The following ATM variants were observed in gnomAD, a reference collection of about 807,000 sequenced individuals.
ATM encodes ATM serine/threonine kinase.
A neutral mutation model predicts 387.0 loss-of-function variants in ATM; 308 were observed. The ratio of observed to expected loss-of-function variants is 0.80; its 90% CI spans 0.73 to 0.87. The LOEUF is 0.87. Among genes scored for constraint, ATM ranks in the 40% least tolerant of loss-of-function variants. The pLI is 0.00. For synonymous variants in ATM, 1,156 were observed against 1,187.3 expected (o/e 0.97, Z 0.54); for missense variants, 3,312 against 3,560.9 (o/e 0.93, Z 1.78).
chr11:108,332,432 CAAATT>C (rs920222693), intron 52 of ATM, among the ~76,000 whole-genome samples: 1 of 151,138 alleles, frequency 6.6e-6, no homozygotes, highest in South Asian at 2.2e-4. Context: ...AACTCTGTCT[CAAATT>C]AATTAATTAA....
rs1064796589 is a variant in ATM, at chr11:108,330,282, G to A, written c.7376G>A (p.Arg2459His). The A allele has an allele frequency of 1.9e-6, 3 of 1,614,188 alleles. No homozygotes were observed. Among genetic ancestry groups the A allele is most frequent in the East Asian group, 2.2e-5 (1 of 44,876 alleles). ...GCCCTGCGTGCACTGAAAGAGGATC[G>A]TAAACGCTTCTTATGTAAAGCAGTT... ...ELALRALKED[R>H]KRFLCKAVEN... The change falls in exon 50 of 63, where the codon CGT (arginine) becomes CAT (histidine). Residue 2459 changes from arginine (R) to histidine (H), a missense_variant. By Grantham distance (29) the Arg-to-His change is conservative (BLOSUM62 0). Around this residue, in one of 4 missense-constraint regions of ATM, gnomAD observed 1,405 missense variants for 1,604.4 expected, o/e 0.88. Transcript: ENST00000675843.
intron 16 of ATM, among the ~76,000 whole-genome samples, chr11:108,262,958 C>G (rs892577286): frequency 1.5e-4 from 22 of 151,578 alleles, no homozygotes; most frequent in African/African-American, 5.1e-4. Context: ...TATGCACCCA[C>G]TACAGGAGCA....
chr11:108,316,753 CA>C (rs58165074), intron 42 of ATM, among the ~76,000 whole-genome samples: 1,771 of 72,432 alleles, frequency 0.024, 36 homozygotes, highest in African/African-American at 0.083. Context: ...ACTAAAAATA[CA>C]AAAAAAAAAA....
chr11:108,303,392 C>A (rs1052151038), intron 36 of ATM, among the ~76,000 whole-genome samples: 1 of 152,088 alleles, frequency 6.6e-6, no homozygotes, highest in African/African-American at 2.4e-5. Context: ...AGGAGTGGGG[C>A]AGCAATCAGC....
At chr11:108,263,853 C>A (rs1259202380) in intron 16 of ATM, among the ~76,000 whole-genome samples, 1 of 149,418 alleles carries the variant, frequency 6.7e-6, no homozygotes, top group Non-Finnish European at 1.5e-5. Context: ...CTACAAACAC[C>A]TCTACGCAAA....
At chr11:108,250,102 C>T (rs1379478035) in intron 9 of ATM, among the ~76,000 whole-genome samples, 1 of 149,940 alleles carries the variant, frequency 6.7e-6, no homozygotes, top group Non-Finnish European at 1.5e-5. Flanking sequence ...GACTAAAGAG[C>T]AAGGATGTAC....
At chr11:108,252,169 A>G in intron 11 of ATM, 138 bp downstream of exon 11, 1 of 789,744 alleles carries the variant, frequency 1.3e-6, no homozygotes, top group Non-Finnish European at 2.0e-6. Context: ...ATTAAATATT[A>G]TGTTTGTTTT....
chr11:108,347,378 A>G lies in ATM; in HGVS notation c.8671+13A>G, dbSNP rs761992165. 1 of 1,537,932 alleles carries G rather than the reference A, an allele frequency of 6.5e-7. No homozygotes were observed. Among genetic ancestry groups the G allele is most frequent in the Non-Finnish European group, 9.0e-7 (1 of 1,111,600 alleles). On this transcript the variant is annotated intron_variant, in intron 59 of 62. Coordinates refer to ENST00000675843, the MANE Select transcript of ATM (RefSeq NM_000051.4). ...CATATAGATCTAGGTAAGTAATAAA[A>G]TCTATGTATCTATTCTTTTTAGTAA...
At chr11:108,296,503 C>T (rs1565468551) in intron 32 of ATM, among the ~76,000 whole-genome samples, 1 of 152,138 alleles carries the variant, frequency 6.6e-6, no homozygotes, top group Non-Finnish European at 1.5e-5. Flanking sequence ...CCATCTGCCT[C>T]GGCCTCCCAA....
intron 43 of ATM, among the ~76,000 whole-genome samples, chr11:108,319,022 C>A (rs1449693136): frequency 1.3e-5 from 2 of 151,726 alleles, no homozygotes; most frequent in Admixed American, 6.6e-5. Flanking sequence ...CAAAAAAATA[C>A]AAAAGTTAGC....
chr11:108,238,646 C>CT (rs576314536), intron 5 of ATM, among the ~76,000 whole-genome samples: 122 of 152,180 alleles, frequency 8.0e-4, no homozygotes, highest in Non-Finnish European at 1.7e-3. Flanking sequence ...GCTAAAATCA[C>CT]TTACTAAATC....
At chr11:108,327,513 G>A (rs1229282893) in intron 47 of ATM, 132 bp from the exon 48 acceptor site, 2 of 683,588 alleles carry the variant, frequency 2.9e-6, no homozygotes, top group Non-Finnish European at 5.2e-6. Context: ...AAAAGCAGAT[G>A]AGGAAAAACT....
intron 61 of ATM, 138 bp downstream of exon 61, chr11:108,355,012 T>C (rs1420044366): frequency 8.0e-6 from 6 of 752,700 alleles, no homozygotes; most frequent in Non-Finnish European, 6.9e-6. Context: ...AAGGAGGAGA[T>C]TGTGCACTTA....
chr11:108,295,043 T>G lies in ATM; in HGVS notation c.4893T>G (p.Ile1631Met), dbSNP rs1591685188. 6.2e-7 allele frequency: 1 copy of G among 1,613,904 alleles called. No individual in the cohort carries two copies. The highest frequency in any genetic ancestry group is 8.5e-7 in the Non-Finnish European group (1 of 1,179,862). ...TACATAAAGATCAGATGGTGGACAT[T>G]ATGAGAGCTTCTCAGGGTGCTAATT... ...LELHKDQMVDIMRASQDNPQD... is the reference protein window; with the variant it reads ...LELHKDQMVDMMRASQDNPQD... Residue 1631 changes from isoleucine (I) to methionine (M), a missense_variant, in exon 32 of 63, where the codon ATT becomes ATG. Physicochemically the swap from Ile to Met is conservative, Grantham distance 10 (BLOSUM62 1). Around this residue, in one of 4 missense-constraint regions of ATM, gnomAD observed 1,405 missense variants for 1,604.4 expected, o/e 0.88. Transcript: ENST00000675843.
chr11:108,235,794 G>T lies in ATM; in HGVS notation c.456G>T (p.Val152=), dbSNP rs1555059433. 2 of 1,613,770 alleles carry T rather than the reference G, an allele frequency of 1.2e-6. No individual in the cohort carries two copies. Among genetic ancestry groups the T allele is most frequent in the Non-Finnish European group, 1.7e-6 (2 of 1,179,900 alleles). Residue 152 remains valine (V), a synonymous_variant, in exon 5 of 63, where the codon GTG becomes GTT. Transcript: ENST00000675843. ...SNILLKDILS[V]RKYWCEISQQ... ...TACTACTCAAAGACATTCTTTCTGT[G>T]AGAAAATACTGGTGTGAAATATCTC...
chr11:108,299,674 C>A, intron 33 of ATM, 40 bp from the exon 34 acceptor site: 1 of 1,595,932 alleles, frequency 6.3e-7, no homozygotes, highest in South Asian at 1.1e-5. Context: ...TGTATGATCT[C>A]TTACCTATGA....
chr11:108,347,535 T>G (rs1179219902), intron 59 of ATM, among the ~76,000 whole-genome samples, 170 bp downstream of exon 59: 19 of 152,186 alleles, frequency 1.2e-4, no homozygotes, highest in Admixed American at 1.2e-3. Flanking sequence ...AACAGTTAAC[T>G]CTGCCTGGGG....
rs2083191714 is a variant in ATM at position 108,297,496 on chromosome 11, T to C, written c.5005+114T>C. The C allele has an allele frequency of 5.5e-6, 5 of 908,020 alleles. No individual in the cohort carries two copies. The South Asian group carries it at 5.6e-5, about 10-fold the overall frequency. The allele number at this position is 908,020 out of a possible 1,614,324, so 56.2% of individuals were successfully genotyped here. A position where few individuals can be genotyped will look rare whatever the true frequency, so the allele number is the denominator to read the frequency against. ...TTTCTGTTGCCTGTAGTATTCAGTA[T>C]AGTAACATGCTATACAGGTTTGTAG... On this transcript the variant is annotated intron_variant, in intron 33 of 62. Transcript: ENST00000675843.
At chr11:108,241,872 G>T (rs2079581120) in intron 5 of ATM, among the ~76,000 whole-genome samples, 1 of 148,554 alleles carries the variant, frequency 6.7e-6, no homozygotes, top group East Asian at 2.0e-4. Flanking sequence ...CCCCTTCCAA[G>T]TAGCTGTGAC....
Sources: gnomAD v4.1 joint callset for allele counts (sites outside exome capture counted in the v4.1 genomes callset) on GRCh38, gnomAD v4.1.1 for gene constraint, gnomAD v4.1.1 regional missense constraint, MANE v1.5 for transcripts, NCBI Gene and HGNC (gene_info 2026-07-23, HGNC 2026-07-21) for gene names.